PTDSS2: variants seen among roughly 807,000 people sequenced by gnomAD.
PTDSS2 encodes phosphatidylserine synthase 2.
In PTDSS2, 41 loss-of-function variants were observed where a neutral mutation model predicts 64.7. The ratio of observed to expected loss-of-function variants is 0.63; its 90% CI spans 0.49 to 0.82. The LOEUF (loss-of-function observed/expected upper bound fraction) is 0.82, where lower values mean the gene tolerates loss of function less well. Ranked by LOEUF, PTDSS2 falls within the 40% of genes least tolerant of loss-of-function variation. PTDSS2 has a pLI of 0.00. For synonymous variants in PTDSS2, 297 were observed against 277.8 expected, an observed-to-expected ratio of 1.07 and a Z score of -0.69; for missense variants, 485 against 650.0, an observed-to-expected ratio of 0.75 and a Z score of 2.76.
chr11:455,479 G>A (rs73385838), intron 1 of PTDSS2, among the ~76,000 whole-genome samples: 4,887 of 152,268 alleles, frequency 0.032, 276 homozygotes, highest in African/African-American at 0.11. Context: ...GGCCCTTGGC[G>A]GGGTTCTGGG....
At chr11:473,630 G>A (rs1185381983) in intron 2 of PTDSS2, among the ~76,000 whole-genome samples, 2 of 152,280 alleles carry the variant, frequency 1.3e-5, no homozygotes, top group South Asian at 2.1e-4. Context: ...ATGTGAGCGC[G>A]AATGTCCAGC....
chr11:463,825 C>T (rs549082430), intron 2 of PTDSS2: 1 of 152,220 alleles, frequency 6.6e-6, no homozygotes, highest in African/African-American at 2.4e-5. Context: ...GGATTACAGG[C>T]ATGAGCCACC....
chr11:490,973 G>C lies in PTDSS2; in HGVS notation c.*391G>C, dbSNP rs767156657. 1 of 216,636 alleles carries C rather than the reference G, an allele frequency of 4.6e-6. No homozygotes were observed. The highest frequency in any genetic ancestry group is 8.4e-5 in the South Asian group (1 of 11,898). 13.4% of individuals were successfully genotyped at this position (216,636 alleles called of 1,614,324 possible). On this transcript the variant is annotated 3_prime_UTR_variant, in exon 12 of 12. Coordinates refer to ENST00000308020, the MANE Select transcript of PTDSS2 (RefSeq NM_030783.3). ...CTCCCCTTTCTGCCTGGTCAGCCCC[G>C]TGGCCTCTGGCCCACCAAGCTCCCT...
intron 4 of PTDSS2, among the ~76,000 whole-genome samples, chr11:485,456 AAAC>A (rs1848306700): frequency 7.0e-6 from 1 of 142,246 alleles, no homozygotes; most frequent in South Asian, 2.3e-4. Context: ...AGGCGAGTGT[AAAC>A]AGTGCACGGG....
intron 11 of PTDSS2, 23 bp from the exon 12 acceptor site, chr11:490,397 T>G: frequency 6.2e-7 from 1 of 1,612,966 alleles, no homozygotes; most frequent in Non-Finnish European, 8.5e-7. Flanking sequence ...GGGCAGGTGG[T>G]GACGCTGCAT....
At chr11:455,221 G>T (rs1349962130) in intron 1 of PTDSS2, among the ~76,000 whole-genome samples, 1 of 152,222 alleles carries the variant, frequency 6.6e-6, no homozygotes, top group Non-Finnish European at 1.5e-5. Flanking sequence ...ATGGGCTGTT[G>T]TCTCTTCCAC....
intron 2 of PTDSS2, among the ~76,000 whole-genome samples, chr11:466,704 C>A (rs554351330): frequency 1.3e-5 from 2 of 152,066 alleles, no homozygotes; most frequent in Non-Finnish European, 2.9e-5. Flanking sequence ...CCACCGCGCA[C>A]GGCCAAAACT....
chr11:486,347 C>T (rs1253927528), intron 4 of PTDSS2, among the ~76,000 whole-genome samples: 1 of 152,198 alleles, frequency 6.6e-6, no homozygotes, highest in Non-Finnish European at 1.5e-5. Context: ...ATCCCGCTCC[C>T]GTCTGTCCAG....
Position 489,965 on chromosome 11 carries a change from G to C in PTDSS2, c.1198G>C (p.Asp400His), listed in dbSNP as rs541518220. Residue 400 changes from aspartate to histidine, a missense_variant, in exon 11 of 12, where the codon GAC becomes CAC. Transcript: ENST00000308020. ...ATELLIVVKYDPHTLTLSLPF... is the reference protein window; with the variant it reads ...ATELLIVVKYHPHTLTLSLPF... ...GGAGCTGCTCATCGTGGTGAAGTAC[G>C]ACCCCCACACGCTCACCCTGTCCCT... The C allele has an allele frequency of 5.0e-6, 8 of 1,611,810 alleles. No individual in the cohort carries two copies. The highest frequency in any genetic ancestry group is 6.8e-6 in the Non-Finnish European group (8 of 1,179,854).
Position 474,472 on chromosome 11 carries a change from C to T in PTDSS2, c.367+495C>T, listed in dbSNP as rs1056857147. Among the ~76,000 whole-genome samples the T allele has an allele frequency of 2.0e-4, 28 of 139,234 alleles. No homozygotes were observed. In the South Asian group the frequency reaches 5.8e-3, roughly 29 times the overall value. 91.3% of individuals were successfully genotyped at this position (139,234 alleles called of 152,430 possible). On this transcript the variant is annotated intron_variant, in intron 3 of 11. Coordinates refer to ENST00000308020, the MANE Select transcript of PTDSS2 (RefSeq NM_030783.3). ...CCAGATGGGGCTGTGAGGCCATGGG[C>T]GGGTGGGTGAGGGCTCCAGATGGAG...
chr11:463,928 A>G (rs945385521), intron 2 of PTDSS2: 1 of 151,900 alleles, frequency 6.6e-6, no homozygotes, highest in Admixed American at 6.6e-5. Flanking sequence ...GCTTGCTGTC[A>G]TTGTTCTTTT....
At chr11:485,081 G>T (rs556418027) in intron 4 of PTDSS2, among the ~76,000 whole-genome samples, 1 of 91,302 alleles carries the variant, frequency 1.1e-5, no homozygotes, top group African/African-American at 5.1e-5. Flanking sequence ...GGGCACGTGT[G>T]CTTACTGTGC....
chr11:472,980 C>G (rs568188549), intron 2 of PTDSS2, among the ~76,000 whole-genome samples: 43 of 152,314 alleles, frequency 2.8e-4, no homozygotes, highest in Non-Finnish European at 4.7e-4. Flanking sequence ...GAGCTGAGCA[C>G]GACTGGAGAG....
intron 11 of PTDSS2, 88 bp downstream of exon 11, chr11:490,156 G>A: frequency 7.2e-7 from 1 of 1,383,866 alleles, no homozygotes; most frequent in Non-Finnish European, 9.8e-7. Flanking sequence ...GGTGTCGTTG[G>A]TGTCTCACTG....
rs574547961 is a variant in PTDSS2, at chr11:473,765, G to A, written c.285-130G>A. 143 of 746,954 alleles carry A rather than the reference G, an allele frequency of 1.9e-4. 1 individual carries two copies. The highest frequency in any genetic ancestry group is 2.5e-5 in the East Asian group (1 of 39,634). The allele number at this position is 746,954 out of a possible 1,614,324, so 46.3% of individuals were successfully genotyped here. The stretch of plus-strand genomic sequence containing the variant: ...GCGGCGGAGTCGCCCAGCTCTGCCC[G>A]AGGCCCCTTCCTCCCGCCCCAGCAT... On this transcript the variant is annotated intron_variant, in intron 2 of 11. Transcript: ENST00000308020.
At chr11:464,502 G>A (rs887634347) in intron 2 of PTDSS2, among the ~76,000 whole-genome samples, 3 of 152,210 alleles carry the variant, frequency 2.0e-5, no homozygotes, top group Admixed American at 1.3e-4. Context: ...GCCTCACCCC[G>A]GCTCGGGCAG....
intron 1 of PTDSS2, among the ~76,000 whole-genome samples, chr11:457,086 CA>C (rs1234382577): frequency 6.6e-6 from 1 of 152,148 alleles, no homozygotes; most frequent in Non-Finnish European, 1.5e-5. Context: ...ACAAAAAATA[CA>C]AAAAAATCCA....
Position 490,801 on chromosome 11 carries a change from C to CGTGTACACGT in PTDSS2, c.*223_*224insACACGTGTGT. On this transcript the variant is annotated 3_prime_UTR_variant, in exon 12 of 12. Coordinates refer to ENST00000308020, the MANE Select transcript of PTDSS2 (RefSeq NM_030783.3). ...GTACGTGTGTATGCGTGTGTGTACG[C>CGTGTACACGT]GTGTGTACGCGCGTGTGTACACATG... is the stretch of plus-strand genomic sequence containing the variant. 1.2e-5 allele frequency: 7 copies of CGTGTACACGT among 575,812 alleles called. No individual in the cohort carries two copies. Among genetic ancestry groups the CGTGTACACGT allele is most frequent in the Admixed American group, 3.2e-5 (1 of 31,576 alleles). 35.7% of individuals were successfully genotyped at this position (575,812 alleles called of 1,614,324 possible).
chr11:482,636 C>T (rs1322135704), intron 4 of PTDSS2, among the ~76,000 whole-genome samples: 1 of 152,224 alleles, frequency 6.6e-6, no homozygotes, highest in Non-Finnish European at 1.5e-5. Context: ...TTATCTGATT[C>T]CTGATCTTAG....
Sources: allele counts gnomAD v4.1 joint callset (sites outside exome capture counted in the v4.1 genomes callset), GRCh38; gene constraint gnomAD v4.1.1; transcripts MANE v1.5; gene names NCBI Gene and HGNC (gene_info 2026-07-23, HGNC 2026-07-21).